Variants in MARF1 observed in about 807,000 individuals in gnomAD.
The protein encoded by MARF1 is meiosis regulator and mRNA stability factor 1.
A neutral mutation model predicts 168.2 loss-of-function variants in MARF1; 24 were observed. That is an observed-to-expected ratio of 0.14 (90% CI 0.10 to 0.20). MARF1 has a LOEUF of 0.20. Ranked by LOEUF, MARF1 falls within the 10% of genes least tolerant of loss-of-function variation. The probability of loss-of-function intolerance (pLI) is 1.00; values close to 1 mark genes in which losing one functional copy is unlikely to be tolerated. For missense variants in MARF1, 1,744 were observed against 2,143.6 expected (o/e 0.81, Z 3.68); for synonymous variants, 868 against 822.4 (o/e 1.06, Z -0.95).
chr16:15,621,811 T>C lies in MARF1; in HGVS notation c.2561A>G (p.His854Arg). 6.2e-7 allele frequency: 1 copy of C among 1,614,170 alleles called. No individual in the cohort carries two copies. Among genetic ancestry groups the C allele is most frequent in the South Asian group, 1.1e-5 (1 of 91,074 alleles). The change falls in exon 12 of 27, where the codon CAC becomes CGC. Residue 854 changes from histidine to arginine, a missense_variant. Physicochemically the swap from His to Arg is conservative, Grantham distance 29. Transcript: ENST00000396368. ...QDAIGAVNSL[H>R]RYKIGSKKIL... ...CTTTTTGCTGCCAATTTTGTATCTG[T>C]GGAGGCTATTCACTGCACCGATCGC...
rs938360242 is a variant in MARF1, at chr16:15,643,076, C to G, written c.-117G>C. 12 of 297,870 alleles carry G rather than the reference C, an allele frequency of 4.0e-5. No individual in the cohort carries two copies. Among genetic ancestry groups the G allele is most frequent in the South Asian group, 1.0e-4 (4 of 39,804 alleles). The allele number at this position is 297,870 out of a possible 1,614,324, so 18.5% of individuals were successfully genotyped here. On this transcript the variant is annotated 5_prime_UTR_variant, in exon 1 of 27. Transcript: ENST00000396368. Reference sequence around the variant, plus strand: ...GGCCCCGCCGCCTTCCCCCCGCCCCCCCCAGGCCCTTTGTTTTGATTCCCG... The same window carrying G: ...GGCCCCGCCGCCTTCCCCCCGCCCCGCCCAGGCCCTTTGTTTTGATTCCCG...
At chr16:15,600,158 CTT>C (rs2032264177) in intron 25 of MARF1, among the ~76,000 whole-genome samples, 1 of 152,072 alleles carries the variant, frequency 6.6e-6, no homozygotes, top group Non-Finnish European at 1.5e-5. Context: ...TAATTTTTTT[CTT>C]CAACATCTGA....
intron 3 of MARF1, chr16:15,635,167 A>G (rs2035500604): frequency 4.2e-6 from 2 of 479,274 alleles, no homozygotes; most frequent in Non-Finnish European, 7.3e-6. Context: ...AGATCTTTAC[A>G]TTCTGGGGCA....
At chr16:15,611,524 T>C (rs1403300929) in intron 18 of MARF1, 68 bp downstream of exon 18, 9 of 1,405,188 alleles carry the variant, frequency 6.4e-6, no homozygotes, top group Middle Eastern at 2.0e-4. Context: ...GATAACTATT[T>C]AGAGTTTGGC....
In MARF1 at chr16:15,625,087, A is replaced by G; in HGVS notation, c.2040T>C (p.Gly680=). The stretch of plus-strand genomic sequence containing the variant: ...GCGTCGACACTGCAGCACTTGAGTT[A>G]CCGTGAGTGGGTACGACCAGCCTCA... ...GHLRLVVPTH[G]NSSAAVSTPK... The change falls in exon 9 of 27, where the codon GGT becomes GGC. Residue 680 remains glycine (G), a synonymous_variant. Coordinates refer to ENST00000396368, the MANE Select transcript of MARF1 (RefSeq NM_014647.4). 1.2e-6 allele frequency: 2 copies of G among 1,614,168 alleles called. No homozygotes were observed. Among genetic ancestry groups the G allele is most frequent in the Non-Finnish European group, 1.7e-6 (2 of 1,180,028 alleles).
At chr16:15,611,782 C>G in intron 17 of MARF1, 48 bp from the exon 18 acceptor site, 1 of 1,530,252 alleles carries the variant, frequency 6.5e-7, no homozygotes, top group Non-Finnish European at 9.0e-7. Flanking sequence ...CAGCAGACAG[C>G]GACTTCCTTG....
rs981094468 is a variant in MARF1 at position 15,643,075 on chromosome 16, C to T, written c.-116G>A. ...CGGCCCCGCCGCCTTCCCCCCGCCCCCCCCAGGCCCTTTGTTTTGATTCCC... is the reference window on the plus strand; with the variant it reads ...CGGCCCCGCCGCCTTCCCCCCGCCCTCCCCAGGCCCTTTGTTTTGATTCCC... On this transcript the variant is annotated 5_prime_UTR_variant, in exon 1 of 27. Coordinates refer to ENST00000396368, the MANE Select transcript of MARF1 (RefSeq NM_014647.4). The T allele has an allele frequency of 3.6e-6, 1 of 280,916 alleles. No individual in the cohort carries two copies. The highest frequency in any genetic ancestry group is 6.9e-6 in the Non-Finnish European group (1 of 144,836). The allele number at this position is 280,916 out of a possible 1,614,324, so 17.4% of individuals were successfully genotyped here.
At chr16:15,605,147 C>T (rs1289347003) in intron 21 of MARF1, among the ~76,000 whole-genome samples, 1 of 152,192 alleles carries the variant, frequency 6.6e-6, no homozygotes, top group African/African-American at 2.4e-5. Context: ...GAGGCTGTGG[C>T]GTGAGCCTTT....
At chr16:15,632,393 T>C (rs1347627102) in intron 5 of MARF1, among the ~76,000 whole-genome samples, 1 of 152,228 alleles carries the variant, frequency 6.6e-6, no homozygotes, top group Non-Finnish European at 1.5e-5. Context: ...TTTGGGCTTT[T>C]AGCAGCTGGA....
In MARF1 at chr16:15,611,589, C is replaced by T; in HGVS notation, c.3617+3G>A. ...TTCATTTCTGTTCTTTTCATCAACT[C>T]ACCAGTGATAAGCCTGTGAGAATTC... On this transcript the variant is annotated splice_donor_region_variant and intron_variant, in intron 18 of 26. Transcript: ENST00000396368. 6.2e-7 allele frequency: 1 copy of T among 1,612,938 alleles called. No individual in the cohort carries two copies.
chr16:15,611,446 CAAAAAA>C, intron 18 of MARF1, 140 bp downstream of exon 18: 16 of 418,488 alleles, frequency 3.8e-5, no homozygotes, highest in African/African-American at 6.1e-5. Context: ...GACTCCGTCT[CAAAAAA>C]AAAAAAAAAA....
chr16:15,616,790 A>G, intron 15 of MARF1: 1 of 421,014 alleles, frequency 2.4e-6, no homozygotes, highest in Non-Finnish European at 4.2e-6. Context: ...CTATAACACA[A>G]TGGTATTTGT....
chr16:15,600,494 C>T lies in MARF1; in HGVS notation c.4747G>A (p.Glu1583Lys), dbSNP rs781278625. 1.9e-5 allele frequency: 30 copies of T among 1,614,148 alleles called. No homozygotes were observed. The highest frequency in any genetic ancestry group is 2.2e-5 in the East Asian group (1 of 44,882). ...GATTCGGGCACCTCCAGGATGCGCT[C>T]GCCCTCCGAGGGCTGGTTTTCATGA... ...ANHENQPSEGERILEVPESHT... is the reference protein window; with the variant it reads ...ANHENQPSEGKRILEVPESHT... The change falls in exon 25 of 27, where the codon GAG (glutamate) becomes AAG (lysine). Residue 1583 changes from glutamate to lysine, a missense_variant. Glu to Lys is a moderately conservative substitution (Grantham distance 56). Around this residue, in one of 7 missense-constraint regions of MARF1, gnomAD observed 313 missense variants for 337.4 expected, o/e 0.93. Transcript: ENST00000396368.
intron 12 of MARF1, chr16:15,621,357 G>A (rs2034448065): frequency 4.9e-6 from 1 of 205,338 alleles, no homozygotes; most frequent in Non-Finnish European, 9.7e-6. Flanking sequence ...TGCAAATGGA[G>A]AGCTTGAAGA....
intron 21 of MARF1, among the ~76,000 whole-genome samples, chr16:15,606,638 G>C (rs1385091744): frequency 6.6e-6 from 1 of 151,994 alleles, no homozygotes; most frequent in Non-Finnish European, 1.5e-5. Flanking sequence ...CATCAGACCT[G>C]CCCATGCCTG....
At chr16:15,620,707 AAAG>A (rs1000425864) in intron 12 of MARF1, among the ~76,000 whole-genome samples, 176 bp from the exon 13 acceptor site, 4 of 152,234 alleles carry the variant, frequency 2.6e-5, no homozygotes, top group Non-Finnish European at 4.4e-5. Flanking sequence ...CAAGGCAATG[AAAG>A]AAGATTACGT....
chr16:15,597,795 A>G (rs895317743), intron 26 of MARF1, among the ~76,000 whole-genome samples: 4 of 152,024 alleles, frequency 2.6e-5, no homozygotes, highest in Admixed American at 2.0e-4. Context: ...CAAAGGCCAC[A>G]ACCCCACAAA....
At chr16:15,637,885 C>T (rs926388336) in intron 2 of MARF1, among the ~76,000 whole-genome samples, 4 of 152,282 alleles carry the variant, frequency 2.6e-5, no homozygotes, top group African/African-American at 4.8e-5. Context: ...TATTAATACC[C>T]GGCCAGGCGC....
In MARF1 at chr16:15,604,436, G is replaced by A; in HGVS notation, c.4183-38C>T. 2.1e-6 allele frequency: 3 copies of A among 1,453,654 alleles called. No homozygotes were observed. In the South Asian group the frequency reaches 3.4e-5, roughly 17 times the overall value. 90.0% of individuals were successfully genotyped at this position (1,453,654 alleles called of 1,614,324 possible). A position where few individuals can be genotyped will look rare whatever the true frequency, so the allele number is the denominator to read the frequency against. On this transcript the variant is annotated intron_variant, in intron 21 of 26. Coordinates refer to ENST00000396368, the MANE Select transcript of MARF1 (RefSeq NM_014647.4). ...AGAATTCACACTTTTCAGAGCTCAA[G>A]AGAGACACCCTAGGTTATACCCAAC...
Sources: gnomAD v4.1 joint callset for allele counts (sites outside exome capture counted in the v4.1 genomes callset) on GRCh38, gnomAD v4.1.1 for gene constraint, gnomAD v4.1.1 regional missense constraint, MANE v1.5 for transcripts, NCBI Gene and HGNC (gene_info 2026-07-23, HGNC 2026-07-21) for gene names.